The following FREM1 variants were observed in gnomAD, a reference collection of about 807,000 sequenced individuals.
The protein encoded by FREM1 is FRAS1-related extracellular matrix protein 1.
FREM1 carries 220 observed loss-of-function variants against 210.1 expected under a neutral mutation model. The observed-to-expected ratio is 1.05, with a 90% CI of 0.94 to 1.17. The LOEUF (loss-of-function observed/expected upper bound fraction) is 1.17. Among genes scored for constraint, FREM1 ranks in the 50% most tolerant of loss-of-function variants. The pLI is 0.00. For synonymous variants in FREM1, 1,189 were observed against 980.2 expected (o/e 1.21, Z -3.98); for missense variants, 3,454 against 2,675.5 (o/e 1.29, Z -6.42).
At chr9:14,740,472 G>A (rs764741913) in intron 35 of FREM1, among the ~76,000 whole-genome samples, 2 of 152,086 alleles carry the variant, frequency 1.3e-5, no homozygotes, top group Admixed American at 6.6e-5. Flanking sequence ...AAAAAACATC[G>A]ATAGGTTTTC....
chr9:14,831,801 C>T (rs1173831240), intron 10 of FREM1, among the ~76,000 whole-genome samples: 1 of 152,190 alleles, frequency 6.6e-6, no homozygotes, highest in Non-Finnish European at 1.5e-5. Flanking sequence ...GAACTGATTG[C>T]TTGGGGACAG....
At chr9:14,859,108 T>G in intron 4 of FREM1, 75 bp downstream of exon 4, 1 of 1,208,526 alleles carries the variant, frequency 8.3e-7, no homozygotes, top group Non-Finnish European at 1.1e-6. Context: ...CTCTTCATCA[T>G]GGTGGAAGGT....
At chr9:14,882,649 G>A (rs1276680058) in intron 1 of FREM1, among the ~76,000 whole-genome samples, 1 of 150,692 alleles carries the variant, frequency 6.6e-6, no homozygotes, top group Non-Finnish European at 1.5e-5. Context: ...GTAGAGATGG[G>A]GTTTCACCAT....
At chr9:14,759,713 A>G in intron 28 of FREM1, 59 bp downstream of exon 28, 1 of 1,404,848 alleles carries the variant, frequency 7.1e-7, no homozygotes. Context: ...AAATATAATG[A>G]AAGACACCAA....
intron 3 of FREM1, among the ~76,000 whole-genome samples, chr9:14,860,818 C>CATATATACATATATACGT (rs1564102083): frequency 0.035 from 1,694 of 47,884 alleles, 388 homozygotes; most frequent in African/African-American, 0.16. Flanking sequence ...CATATATACA[C>CATATATACATATATACGT]ATATATACAT....
At chr9:14,831,688 T>G (rs2130979182) in intron 10 of FREM1, among the ~76,000 whole-genome samples, 1 of 152,344 alleles carries the variant, frequency 6.6e-6, no homozygotes, top group South Asian at 2.1e-4. Flanking sequence ...GCTCCCTCCC[T>G]TAAAGGGGCC....
intron 10 of FREM1, among the ~76,000 whole-genome samples, chr9:14,830,319 A>G (rs1343060906): frequency 4.6e-5 from 7 of 152,164 alleles, no homozygotes; most frequent in South Asian, 4.1e-4. Flanking sequence ...CTGATTCCTT[A>G]TAAGTCTGTA....
At chr9:14,764,483 A>G (rs746067570) in intron 27 of FREM1, among the ~76,000 whole-genome samples, 11 of 152,218 alleles carry the variant, frequency 7.2e-5, no homozygotes, top group Non-Finnish European at 1.6e-4. Flanking sequence ...TAGCATAGAG[A>G]GAAAGATGGC....
intron 10 of FREM1, among the ~76,000 whole-genome samples, chr9:14,827,328 T>C (rs910243413): frequency 1.1e-4 from 17 of 152,206 alleles, no homozygotes; most frequent in Admixed American, 9.2e-4. Context: ...TGTTATAAAG[T>C]GGCAAAGAAC....
At chr9:14,860,836 T>TATATATACATATATACGTATATATACAC (rs1829981080) in intron 3 of FREM1, among the ~76,000 whole-genome samples, 1 of 113,380 alleles carries the variant, frequency 8.8e-6, no homozygotes, top group Admixed American at 9.3e-5. Flanking sequence ...CATATATACG[T>TATATATACATATATACGTATATATACAC]ATATATACAT....
At chr9:14,900,832 G>A (rs938735821) in intron 1 of FREM1, among the ~76,000 whole-genome samples, 1 of 152,190 alleles carries the variant, frequency 6.6e-6, no homozygotes, top group African/African-American at 2.4e-5. Context: ...TATAGTGCAT[G>A]GAAATCACAG....
chr9:14,790,016 G>C (rs1400743317), intron 22 of FREM1, among the ~76,000 whole-genome samples: 1 of 151,996 alleles, frequency 6.6e-6, no homozygotes, highest in African/African-American at 2.4e-5. Context: ...TGGTTTTACT[G>C]TCTCATTTAA....
At chr9:14,845,884 A>G (rs1588328551) in intron 8 of FREM1, 76 bp downstream of exon 8, 1 of 1,468,268 alleles carries the variant, frequency 6.8e-7, no homozygotes, top group South Asian at 1.2e-5. Context: ...GATGCTACAT[A>G]TATCTGTTAA....
intron 36 of FREM1, among the ~76,000 whole-genome samples, chr9:14,739,450 A>ATATATATATATATATATATATATATAATT (rs1841042701): frequency 1.6e-4 from 1 of 6,152 alleles, no homozygotes; most frequent in Non-Finnish European, 2.7e-4. Flanking sequence ...ATTATTTGGA[A>ATATATATATATATATATATATATATAATT]TATATATATA....
chr9:14,823,169 T>C lies in FREM1; in HGVS notation c.2328A>G (p.Gln776=). ...AGAACATTGTACATACCTCAGGAAC[T>C]TGATTGTCCACTGGGAGGATTGTAA... ...FNITILPVDN[Q]VPEAFTNPLK... Residue 776 remains glutamine (Q), a synonymous_variant, in exon 13 of 37, where the codon CAA becomes CAG. Coordinates refer to ENST00000380880, the MANE Select transcript of FREM1 (RefSeq NM_001379081.2). The C allele has an allele frequency of 6.2e-7, 1 of 1,613,480 alleles. No homozygotes were observed. Among genetic ancestry groups the C allele is most frequent in the Non-Finnish European group, 8.5e-7 (1 of 1,179,476 alleles).
intron 8 of FREM1, 148 bp downstream of exon 8, chr9:14,845,812 A>G (rs1826502094): frequency 1.3e-6 from 1 of 782,544 alleles, no homozygotes; most frequent in East Asian, 2.8e-5. Flanking sequence ...ACAAAAGTCA[A>G]TGATTTCAAG....
chr9:14,868,735 A>G lies in FREM1; in HGVS notation c.234+9T>C, dbSNP rs1215230434. The G allele has an allele frequency of 2.2e-5, 34 of 1,571,800 alleles. No individual in the cohort carries two copies. The highest frequency in any genetic ancestry group is 2.8e-5 in the Non-Finnish European group (32 of 1,146,108). On this transcript the variant is annotated intron_variant, in intron 2 of 36. Coordinates refer to ENST00000380880, the MANE Select transcript of FREM1 (RefSeq NM_001379081.2). ...CACGACTGAACAGAAAATCGCAGAT[A>G]GGACCTACCTGTGGAGTGAGTTTCC...
chr9:14,801,151 T>A (rs1817210342), intron 20 of FREM1, among the ~76,000 whole-genome samples: 1 of 152,106 alleles, frequency 6.6e-6, no homozygotes, highest in Admixed American at 6.5e-5. Flanking sequence ...AAGTGCACCA[T>A]CACACTCGGC....
At chr9:14,785,841 T>C (rs1850343376) in intron 23 of FREM1, among the ~76,000 whole-genome samples, 1 of 152,130 alleles carries the variant, frequency 6.6e-6, no homozygotes, top group Non-Finnish European at 1.5e-5. Context: ...GGAGATTGGA[T>C]GGACAACAAC....
Sources: gnomAD v4.1 joint callset for allele counts (sites outside exome capture counted in the v4.1 genomes callset) on GRCh38, gnomAD v4.1.1 for gene constraint, MANE v1.5 for transcripts, NCBI Gene and HGNC (gene_info 2026-07-23, HGNC 2026-07-21) for gene names.